STKLD1: variants seen among roughly 807,000 people sequenced by gnomAD.
STKLD1 encodes serine/threonine kinase-like domain-containing protein STKLD1.
A neutral mutation model predicts 80.4 loss-of-function variants in STKLD1; 79 were observed. The ratio of observed to expected loss-of-function variants is 0.98; its 90% CI spans 0.82 to 1.19. The LOEUF is 1.19. Ranked by LOEUF, STKLD1 falls within the 50% of genes most tolerant of loss-of-function variation. STKLD1 has a pLI of 0.00. For synonymous variants in STKLD1, 393 were observed against 357.6 expected (o/e 1.10, Z -1.12); for missense variants, 841 against 856.0 (o/e 0.98, Z 0.22).
chr9:133,400,383 G>GA, intron 11 of STKLD1, 30 bp from the exon 12 acceptor site: 1 of 1,570,056 alleles, frequency 6.4e-7, no homozygotes, highest in Middle Eastern at 1.7e-4. Flanking sequence ...GGCCCAAAAT[G>GA]AGTCTCCCCT....
At chr9:133,401,431 C>A (rs587650500) in intron 12 of STKLD1, among the ~76,000 whole-genome samples, 1 of 152,102 alleles carries the variant, frequency 6.6e-6, no homozygotes, top group African/African-American at 2.4e-5. Context: ...CCACCGCGCG[C>A]GGCCACCTTT....
Position 133,404,792 on chromosome 9 carries a change from T to G in STKLD1, c.1736T>G (p.Leu579Arg). The change falls in exon 17 of 18, where the codon CTG (leucine) becomes CGG (arginine). Residue 579 changes from leucine (L) to arginine (R), a missense_variant. By Grantham distance (102) the Leu-to-Arg change is moderately radical. Coordinates refer to ENST00000371957, the MANE Select transcript of STKLD1 (RefSeq NM_153710.5). ...CCCACTCCCACCCATCCCCCAGAGC[T>G]GGCGGCCTTCAAGGTGGTGGTGCAG... ...GLASLVKVSE[L>R]AAFKVVVQEE... is the part of the protein sequence containing the mutation. 1.2e-6 allele frequency: 2 copies of G among 1,612,582 alleles called. No individual in the cohort carries two copies. Among genetic ancestry groups the G allele is most frequent in the Non-Finnish European group, 1.7e-6 (2 of 1,179,606 alleles).
At chr9:133,400,766 G>A (rs1456494979) in intron 12 of STKLD1, among the ~76,000 whole-genome samples, 1 of 152,218 alleles carries the variant, frequency 6.6e-6, no homozygotes, top group Admixed American at 6.5e-5. Context: ...CTAACCACTG[G>A]AGAGTCCATG....
At chr9:133,392,130 G>A (rs1838412839) in intron 7 of STKLD1, among the ~76,000 whole-genome samples, 1 of 145,926 alleles carries the variant, frequency 6.9e-6, no homozygotes, top group Admixed American at 7.1e-5. Flanking sequence ...AGGCTGGAAT[G>A]CAGTAGCGCA....
chr9:133,394,500 T>G lies in STKLD1; in HGVS notation c.702+91T>G. On this transcript the variant is annotated intron_variant, in intron 8 of 17. Coordinates refer to ENST00000371957, the MANE Select transcript of STKLD1 (RefSeq NM_153710.5). The surrounding 1 kb of genome is among the most constrained non-coding windows in gnomAD (Gnocchi z 4.9). ...GCTTGGCCTCACCCTGCCTCCCCTC[T>G]GCATCCCTTCCCCTGGCTCTCTGCA... 1.1e-6 allele frequency: 1 copy of G among 905,454 alleles called. No individual in the cohort carries two copies. Among genetic ancestry groups the G allele is most frequent in the Non-Finnish European group, 1.8e-6 (1 of 548,370 alleles). 56.1% of individuals were successfully genotyped at this position (905,454 alleles called of 1,614,324 possible).
rs2130287400 is a variant in STKLD1, at chr9:133,390,793, GA to G, written c.582del (p.Asp195ThrfsTer33). 6.2e-7 allele frequency: 1 copy of G among 1,612,974 alleles called. No homozygotes were observed. Among genetic ancestry groups the G allele is most frequent in the South Asian group, 1.1e-5 (1 of 91,068 alleles). Reference protein sequence around the residue: ...DKAKWNIRAEEDPFRKSWMAP... With the variant: ...DKAKWNIRAEXDPFRKSWMAP... ...AGCCAAATGGAATATTCGTGCGGAG[GA>G]AGGTGGCAGGGGCTCCCCCAGGTTG... On this transcript the variant is annotated frameshift_variant and splice_region_variant, in exon 7 of 18. Transcript: ENST00000371957. LOFTEE classifies it high-confidence loss of function. The surrounding 1 kb of genome is among the most constrained non-coding windows in gnomAD (Gnocchi z 5.1).
intron 14 of STKLD1, 97 bp downstream of exon 14, chr9:133,403,109 T>C (rs955695360): frequency 7.7e-7 from 1 of 1,296,194 alleles, no homozygotes; most frequent in Non-Finnish European, 1.0e-6. Flanking sequence ...CTCCATGTCC[T>C]GTCCCTAAAA....
At chr9:133,404,162 A>C in intron 16 of STKLD1, 114 bp downstream of exon 16, 2 of 1,336,916 alleles carry the variant, frequency 1.5e-6, no homozygotes, top group Non-Finnish European at 2.0e-6. Context: ...CAAATCAAAA[A>C]GGAAAAGAAA....
intron 2 of STKLD1, among the ~76,000 whole-genome samples, chr9:133,379,848 G>C (rs1052196940): frequency 6.6e-6 from 1 of 152,256 alleles, no homozygotes; most frequent in African/African-American, 2.4e-5. Flanking sequence ...CATACAGCGG[G>C]AGGAGCCTTG....
At position 133,401,650 on chromosome 9, in the gene STKLD1, G is replaced by A. The variant is rs1554777674; in HGVS notation, c.1199-88G>A. Reference sequence around the variant, plus strand: ...GGTTTCCTTCATGCAAAGTGGAGATGCTATCCCCCAGCCTGTGAGCCTTGT... The same window carrying A: ...GGTTTCCTTCATGCAAAGTGGAGATACTATCCCCCAGCCTGTGAGCCTTGT... On this transcript the variant is annotated intron_variant, in intron 12 of 17. Transcript: ENST00000371957. 4 of 1,459,540 alleles carry A rather than the reference G, an allele frequency of 2.7e-6. No homozygotes were observed. The African/African-American group carries it at 4.3e-5, about 16-fold the overall frequency. 90.4% of individuals were successfully genotyped at this position (1,459,540 alleles called of 1,614,324 possible).
intron 11 of STKLD1, among the ~76,000 whole-genome samples, chr9:133,400,180 G>A (rs1838662377): frequency 6.6e-6 from 1 of 152,146 alleles, no homozygotes; most frequent in Non-Finnish European, 1.5e-5. Flanking sequence ...GCATATGGAG[G>A]GCAGCCTTGG....
At position 133,402,948 on chromosome 9, in the gene STKLD1, C is replaced by A; in HGVS notation, c.1410C>A (p.Ser470Arg). The A allele has an allele frequency of 6.3e-7, 1 of 1,583,798 alleles. No individual in the cohort carries two copies. Among genetic ancestry groups the A allele is most frequent in the Admixed American group, 1.8e-5 (1 of 56,108 alleles). ...LLEHILEHLN[S>R]SLESRDVCAS... Reference sequence around the variant, plus strand: ...AGCACATCCTGGAGCACCTCAACAGCTCCCTCGAAAGCAGGGACGTCTGCG... The same window carrying A: ...AGCACATCCTGGAGCACCTCAACAGATCCCTCGAAAGCAGGGACGTCTGCG... Residue 470 changes from serine (S) to arginine (R), a missense_variant, in exon 14 of 18, where the codon AGC becomes AGA. Ser to Arg is a moderately radical substitution (Grantham distance 110). Coordinates refer to ENST00000371957, the MANE Select transcript of STKLD1 (RefSeq NM_153710.5).
chr9:133,397,006 A>G (rs781955037), intron 9 of STKLD1, among the ~76,000 whole-genome samples, 158 bp from the exon 10 acceptor site: 2 of 152,210 alleles, frequency 1.3e-5, no homozygotes, highest in Non-Finnish European at 2.9e-5. Context: ...CACTGGGGAC[A>G]CTATGAGAGA....
chr9:133,391,406 G>A (rs1224795245), intron 7 of STKLD1, among the ~76,000 whole-genome samples: 1 of 151,488 alleles, frequency 6.6e-6, no homozygotes, highest in Non-Finnish European at 1.5e-5. Context: ...GGCAATGGCG[G>A]TTTTGTGGAA....
rs1838373784 is a variant in STKLD1 at position 133,390,820 on chromosome 9, T to G, written c.583+24T>G. The G allele has an allele frequency of 3.1e-6, 5 of 1,587,708 alleles. No individual in the cohort carries two copies. Among genetic ancestry groups the G allele is most frequent in the Non-Finnish European group, 3.5e-6 (4 of 1,158,774 alleles). On this transcript the variant is annotated intron_variant, in intron 7 of 17. Transcript: ENST00000371957. The surrounding 1 kb of genome is among the most constrained non-coding windows in gnomAD (Gnocchi z 5.1). ...AGGTGGCAGGGGCTCCCCCAGGTTGTGGGAGAGGGGGTTGGCGCCTAGAAT... is the reference window on the plus strand; with the variant it reads ...AGGTGGCAGGGGCTCCCCCAGGTTGGGGGAGAGGGGGTTGGCGCCTAGAAT...
At position 133,389,260 on chromosome 9, in the gene STKLD1, C is replaced by G. The variant is rs2130283669; in HGVS notation, c.397-266C>G. Reference sequence around the variant, plus strand: ...CACAGAGTAGGGTGCAGGGATGGGGCCCCTGCAGCACCCAGGGTCTCTGGT... The same window carrying G: ...CACAGAGTAGGGTGCAGGGATGGGGGCCCTGCAGCACCCAGGGTCTCTGGT... On this transcript the variant is annotated intron_variant, in intron 5 of 17. Coordinates refer to ENST00000371957, the MANE Select transcript of STKLD1 (RefSeq NM_153710.5). This position sits in a 1 kb window ranked among gnomAD's most constrained non-coding sequence, Gnocchi z 6.4. The G allele has an allele frequency of 7.0e-5, 69 of 985,278 alleles. No individual in the cohort carries two copies. Among genetic ancestry groups the G allele is most frequent in the Admixed American group, 1.2e-4 (2 of 16,268 alleles). The allele number at this position is 985,278 out of a possible 1,614,324, so 61.0% of individuals were successfully genotyped here.
In STKLD1 at chr9:133,405,334, G is replaced by A; in HGVS notation, c.1956G>A (p.Val652=). The change falls in exon 18 of 18, where the codon GTG becomes GTA. Residue 652 remains valine (V), a synonymous_variant. Transcript: ENST00000371957. ...AGGAGCGCTTCACCTCCAGCCTGGT[G>A]AGTGACAGCAGCGCCTTCAGCAAAC... ...EIKERFTSSL[V]SDSSAFSKPG... is the part of the protein sequence containing the mutation. 1.2e-6 allele frequency: 2 copies of A among 1,612,934 alleles called. No homozygotes were observed. Among genetic ancestry groups the A allele is most frequent in the Non-Finnish European group, 1.7e-6 (2 of 1,179,920 alleles).
At chr9:133,387,385 G>A (rs1838287299) in intron 4 of STKLD1, 62 bp from the exon 5 acceptor site, 1 of 1,379,900 alleles carries the variant, frequency 7.2e-7, no homozygotes, top group Non-Finnish European at 1.0e-6. Context: ...CCTGGAGCAG[G>A]TGAGCCTGCA....
At chr9:133,386,825 G>A (rs1329177284) in intron 4 of STKLD1, among the ~76,000 whole-genome samples, 3 of 152,236 alleles carry the variant, frequency 2.0e-5, no homozygotes, top group Admixed American at 1.3e-4. Flanking sequence ...GCGCCAGCCT[G>A]CATGAGATGT....
Sources: gnomAD v4.1 joint callset for allele counts (sites outside exome capture counted in the v4.1 genomes callset) on GRCh38, gnomAD v4.1.1 for gene constraint, Gnocchi (gnomAD v3.1) non-coding constraint, MANE v1.5 for transcripts, NCBI Gene and HGNC (gene_info 2026-07-23, HGNC 2026-07-21) for gene names.